CWC15: variants seen among roughly 807,000 people sequenced by gnomAD.
The protein encoded by CWC15 is spliceosome-associated protein CWC15 homolog.
In CWC15, 12 loss-of-function variants were observed where a neutral mutation model predicts 28.4. The observed-to-expected ratio is 0.42, with a 90% CI of 0.27 to 0.69. CWC15 has a LOEUF of 0.69. Ranked by LOEUF, CWC15 falls within the 30% of genes least tolerant of loss-of-function variation. The probability of loss-of-function intolerance (pLI) is 0.23; values close to 1 mark genes in which losing one functional copy is unlikely to be tolerated. For missense variants in CWC15, 192 were observed against 271.5 expected (o/e 0.71, Z 2.06); for synonymous variants, 92 against 88.4 (o/e 1.04, Z -0.23).
At chr11:94,963,600 T>TA (rs1256972129) in intron 6 of CWC15, 86 bp from the exon 7 acceptor site, 1 of 1,163,392 alleles carries the variant, frequency 8.6e-7, no homozygotes, top group Non-Finnish European at 1.2e-6. Flanking sequence ...CTTAGTCAGT[T>TA]ACACAGAAAG....
chr11:94,966,878 A>T (rs1555095408), intron 5 of CWC15, among the ~76,000 whole-genome samples: 1 of 152,150 alleles, frequency 6.6e-6, no homozygotes, highest in African/African-American at 2.4e-5. Flanking sequence ...TCTTATTTTG[A>T]ATTACTAATA....
Position 94,963,167 on chromosome 11 carries a change from G to A in CWC15, c.*218C>T. ...TTACAGGCAGATTTGCTTTTCCCAG[G>A]AAAACATATCACTGGAAACATTTGG... On this transcript the variant is annotated 3_prime_UTR_variant, in exon 7 of 7. Coordinates refer to ENST00000279839, the MANE Select transcript of CWC15 (RefSeq NM_016403.4). 3.0e-6 allele frequency: 1 copy of A among 333,650 alleles called. No homozygotes were observed. The highest frequency in any genetic ancestry group is 5.4e-6 in the Non-Finnish European group (1 of 186,586). 20.7% of individuals were successfully genotyped at this position (333,650 alleles called of 1,614,324 possible).
chr11:94,971,538 A>ACG, intron 2 of CWC15, 51 bp from the exon 3 acceptor site: 1 of 1,042,880 alleles, frequency 9.6e-7, no homozygotes, highest in Non-Finnish European at 1.4e-6. Flanking sequence ...ACACACACAC[A>ACG]CACACACAGA....
chr11:94,968,911 G>A (rs1857681620), intron 5 of CWC15, among the ~76,000 whole-genome samples: 1 of 152,200 alleles, frequency 6.6e-6, no homozygotes, highest in South Asian at 2.1e-4. Flanking sequence ...TGAAAAAGCT[G>A]TGCTGCTCTG....
intron 6 of CWC15, 124 bp from the exon 7 acceptor site, chr11:94,963,638 A>G: frequency 1.5e-6 from 1 of 651,398 alleles, no homozygotes; most frequent in Non-Finnish European, 2.3e-6. Context: ...CATCTGATGC[A>G]GCAATTACAC....
rs1555096132 is a variant in CWC15, at chr11:94,971,064, T to C, written c.246A>G (p.Glu82=). The part of the protein sequence containing the change: ...REKNRDRPTR[E]HTTSSSVSKK... Reference sequence around the variant, plus strand: ...TTGACACTGAAGAGGAGGTTGTATGTTCTGGGGGGAAACAAAAATCATTTA... The same window carrying C: ...TTGACACTGAAGAGGAGGTTGTATGCTCTGGGGGGAAACAAAAATCATTTA... The change falls in exon 4 of 7, where the codon GAA becomes GAG. Residue 82 remains glutamate, a splice_region_variant and synonymous_variant. Transcript: ENST00000279839. 1.9e-6 allele frequency: 3 copies of C among 1,612,668 alleles called. No individual in the cohort carries two copies. In the South Asian group the frequency reaches 3.3e-5, roughly 18 times the overall value.
At position 94,970,099 on chromosome 11, in the gene CWC15, A is replaced by G. The variant is rs1555095943; in HGVS notation, c.334-3T>C. 5.5e-6 allele frequency: 8 copies of G among 1,443,850 alleles called. No homozygotes were observed. Among genetic ancestry groups the G allele is most frequent in the Non-Finnish European group, 2.9e-6 (3 of 1,051,644 alleles). The allele number at this position is 1,443,850 out of a possible 1,614,324, so 89.4% of individuals were successfully genotyped here. ...TCTTCAAAATCTTCATCTTCCTCCT[A>G]AAAGAACAGTGAGAGCCCAGAAGAT... is the stretch of plus-strand genomic sequence containing the variant. On this transcript the variant is annotated splice_region_variant and splice_polypyrimidine_tract_variant and intron_variant, in intron 4 of 6. Transcript: ENST00000279839.
Position 94,971,058 on chromosome 11 carries a change from T to C in CWC15, c.252A>G (p.Thr84=), listed in dbSNP as rs782123472. Residue 84 remains threonine (T), a synonymous_variant, in exon 4 of 7, where the codon ACA becomes ACG. Transcript: ENST00000279839. Reference sequence around the variant, plus strand: ...GCTTTTTTGACACTGAAGAGGAGGTTGTATGTTCTGGGGGGAAACAAAAAT... The same window carrying C: ...GCTTTTTTGACACTGAAGAGGAGGTCGTATGTTCTGGGGGGAAACAAAAAT... ...KNRDRPTREH[T]TSSSVSKKPR... is the part of the protein sequence containing the mutation. The C allele has an allele frequency of 6.2e-7, 1 of 1,613,326 alleles. No homozygotes were observed. The highest frequency in any genetic ancestry group is 1.1e-5 in the South Asian group (1 of 91,064).
At position 94,972,066 on chromosome 11, in the gene CWC15, C is replaced by A; in HGVS notation, c.120G>T (p.Lys40Asn). 1.2e-6 allele frequency: 2 copies of A among 1,610,536 alleles called. No homozygotes were observed. Among genetic ancestry groups the A allele is most frequent in the Non-Finnish European group, 1.7e-6 (2 of 1,178,944 alleles). The change falls in exon 2 of 7, where the codon AAG (lysine) becomes AAT (asparagine). Residue 40 changes from lysine to asparagine, a missense_variant. Around this residue, in one of 2 missense-constraint regions of CWC15, gnomAD observed 188 missense variants for 250.3 expected, o/e 0.75. Coordinates refer to ENST00000279839, the MANE Select transcript of CWC15 (RefSeq NM_016403.4). ...GAAAGTCTTACTACCTGTATTTTAT[C>A]TTTGTATGAGAGGGTAGGTCTCTGC... ...YSSRDLPSHTKIKYRQTTQDA... is the reference protein window; with the variant it reads ...YSSRDLPSHTNIKYRQTTQDA...
intron 6 of CWC15, 23 bp from the exon 7 acceptor site, chr11:94,963,537 A>C (rs782354079): frequency 9.7e-6 from 15 of 1,543,486 alleles, no homozygotes; most frequent in Non-Finnish European, 1.3e-5. Flanking sequence ...AAGCAAACAG[A>C]ACGTCTGAAA....
rs587712206 is a variant in CWC15 at position 94,970,050 on chromosome 11, G to A, written c.380C>T (p.Ala127Val). Residue 127 changes from alanine to valine, a missense_variant, in exon 5 of 7, where the codon GCA (alanine) becomes GTA (valine). Ala to Val is a moderately conservative substitution (Grantham distance 64). This residue lies in a region of CWC15 where 188 missense variants were observed against 250.3 expected (regional missense o/e 0.75). Transcript: ENST00000279839. The part of the protein sequence containing the change: ...FEEESDDDDT[A>V]ALLAELEKIK... Reference sequence around the variant, plus strand: ...TTTTTCCAGTTCTGCAAGAAGAGCTGCAGTATCATCATCATCACTTTCTTC... The same window carrying A: ...TTTTTCCAGTTCTGCAAGAAGAGCTACAGTATCATCATCATCACTTTCTTC... 128 of 1,573,820 alleles carry A rather than the reference G, an allele frequency of 8.1e-5. No individual in the cohort carries two copies. The highest frequency in any genetic ancestry group is 1.1e-4 in the Non-Finnish European group (122 of 1,158,262).
intron 6 of CWC15, 26 bp downstream of exon 6, chr11:94,966,261 ACACACACT>A: frequency 1.1e-6 from 1 of 944,478 alleles, no homozygotes; most frequent in Non-Finnish European, 1.6e-6. Flanking sequence ...ACACACACAC[ACACACACT>A]CCATTACTCC....
rs1000201931 is a variant in CWC15, at chr11:94,972,040, A to G, written c.131+15T>C. The G allele has an allele frequency of 6.2e-7, 1 of 1,605,308 alleles. No homozygotes were observed. Among genetic ancestry groups the G allele is most frequent in the Non-Finnish European group, 8.5e-7 (1 of 1,176,474 alleles). ...GTCTTGTTTTGTGAACAATAAAAAA[A>G]GAAAGTCTTACTACCTGTATTTTAT... On this transcript the variant is annotated intron_variant, in intron 2 of 6. Coordinates refer to ENST00000279839, the MANE Select transcript of CWC15 (RefSeq NM_016403.4).
Sources: allele counts gnomAD v4.1 joint callset (sites outside exome capture counted in the v4.1 genomes callset), GRCh38; gene constraint gnomAD v4.1.1; regional missense constraint gnomAD v4.1.1; transcripts MANE v1.5; gene names NCBI Gene and HGNC (gene_info 2026-07-23, HGNC 2026-07-21).